The following TASP1 variants were observed in gnomAD, a reference collection of about 807,000 sequenced individuals.
The protein encoded by TASP1 is threonine aspartase 1.
TASP1 carries 16 observed loss-of-function variants against 56.6 expected under a neutral mutation model. The observed-to-expected ratio is 0.28, with a 90% confidence interval of 0.19 to 0.43. The LOEUF is 0.43. Ranked by LOEUF, TASP1 falls within the 20% of genes least tolerant of loss-of-function variation. The pLI, the probability that TASP1 is intolerant of heterozygous loss-of-function variation, is 1.00. For missense variants in TASP1, 393 were observed against 511.6 expected (o/e 0.77, Z 2.24); for synonymous variants, 179 against 184.2 (o/e 0.97, Z 0.23).
chr20:13,464,929 G>A (rs759070332), intron 11 of TASP1, among the ~76,000 whole-genome samples: 2 of 152,022 alleles, frequency 1.3e-5, no homozygotes, highest in African/African-American at 2.4e-5. Flanking sequence ...TGGGAAAGCC[G>A]AGACAGGAAG....
chr20:13,248,770 C>A, the TASP1 span, among the ~76,000 whole-genome samples: 1 of 152,194 alleles, frequency 6.6e-6, no homozygotes, highest in Non-Finnish European at 1.5e-5. Flanking sequence ...CAGATGTTTC[C>A]CTGTTCTGCA....
chr20:13,134,290 T>A, the TASP1 span, among the ~76,000 whole-genome samples: 4 of 152,244 alleles, frequency 2.6e-5, no homozygotes, highest in African/African-American at 9.6e-5. Flanking sequence ...TATCTCCGAA[T>A]ACTTAACATC....
chr20:13,123,932 G>T, the TASP1 span, among the ~76,000 whole-genome samples: 1 of 152,016 alleles, frequency 6.6e-6, no homozygotes, highest in African/African-American at 2.4e-5. Context: ...CCCTGCTGCT[G>T]CTCCTCAGGA....
chr20:13,398,019 CT>C (rs2041606164), intron 13 of TASP1, among the ~76,000 whole-genome samples: 1 of 152,108 alleles, frequency 6.6e-6, no homozygotes, highest in African/African-American at 2.4e-5. Flanking sequence ...TTATGGTCTT[CT>C]GGTTGGTAAG....
intron 7 of TASP1, among the ~76,000 whole-genome samples, chr20:13,562,674 C>T (rs972384232): frequency 5.3e-5 from 8 of 151,552 alleles, no homozygotes; most frequent in Non-Finnish European, 1.2e-4. Flanking sequence ...TACAGGAGTT[C>T]GAGACCAGCC....
At chr20:13,338,889 C>T in the TASP1 span, among the ~76,000 whole-genome samples, 1 of 152,092 alleles carries the variant, frequency 6.6e-6, no homozygotes. Flanking sequence ...TCCTCACCAT[C>T]ACCACCATCA....
intron 11 of TASP1, among the ~76,000 whole-genome samples, chr20:13,478,850 T>C (rs902349759): frequency 2.0e-5 from 3 of 151,924 alleles, no homozygotes; most frequent in Admixed American, 6.6e-5. Flanking sequence ...TAAAAGAATA[T>C]AGAGAAGTAA....
chr20:13,268,310 T>TTCTC, the TASP1 span, among the ~76,000 whole-genome samples: 1 of 150,556 alleles, frequency 6.6e-6, no homozygotes, highest in South Asian at 2.1e-4. Flanking sequence ...TCTCTTCTCT[T>TTCTC]TTCTCTTCTC....
In TASP1 at chr20:13,629,540, C is replaced by T. The variant is rs527283269; in HGVS notation, c.145+394G>A. ...AGGCTGGAGCGCAGTGGCATGATGT[C>T]GGCTCACTGCAACCTCCACCTCCTG... On this transcript the variant is annotated intron_variant, in intron 2 of 13. Coordinates refer to ENST00000337743, the MANE Select transcript of TASP1 (RefSeq NM_017714.3). 4.0e-5 allele frequency among the ~76,000 whole-genome samples: 6 copies of T among 151,632 alleles called. No homozygotes were observed. In the South Asian group the frequency reaches 8.4e-4, roughly 21 times the overall value.
At chr20:13,340,049 G>T in the TASP1 span, among the ~76,000 whole-genome samples, 17 of 152,146 alleles carry the variant, frequency 1.1e-4, no homozygotes, top group East Asian at 2.9e-3. Context: ...CTACTACAGA[G>T]TCTGAAAAAG....
the TASP1 span, among the ~76,000 whole-genome samples, chr20:13,289,716 A>G: frequency 4.6e-5 from 7 of 152,234 alleles, no homozygotes; most frequent in African/African-American, 1.2e-4. Context: ...AACCAAGACC[A>G]TATGTGACCC....
At chr20:13,406,570 A>G (rs1051545929) in intron 13 of TASP1, among the ~76,000 whole-genome samples, 8 of 152,084 alleles carry the variant, frequency 5.3e-5, no homozygotes, top group South Asian at 2.1e-4. Context: ...TCAGTGTTTC[A>G]CCAATTAGTA....
Position 13,425,403 on chromosome 20 carries a change from T to C in TASP1, c.1097-7882A>G, listed in dbSNP as rs568187571. ...GTTTTTTCTATCCAAATGGATTCTT[T>C]TTTCTGACCAGAAAGAAGTCATCAG... On this transcript the variant is annotated intron_variant, in intron 12 of 13. Coordinates refer to ENST00000337743, the MANE Select transcript of TASP1 (RefSeq NM_017714.3). Among the ~76,000 whole-genome samples the C allele has an allele frequency of 5.9e-5, 9 of 152,336 alleles. 1 individual carries two copies. In the South Asian group the frequency reaches 1.9e-3, roughly 32 times the overall value.
At chr20:13,174,629 G>A in the TASP1 span, among the ~76,000 whole-genome samples, 1 of 151,618 alleles carries the variant, frequency 6.6e-6, no homozygotes, top group South Asian at 2.1e-4. Flanking sequence ...AGCCTGGGAA[G>A]TCGAAGCTGC....
chr20:13,277,055 A>G, the TASP1 span, among the ~76,000 whole-genome samples: 1 of 152,118 alleles, frequency 6.6e-6, no homozygotes, highest in African/African-American at 2.4e-5. Flanking sequence ...AGTCATCGAT[A>G]TAGCTTTTGG....
chr20:13,396,602 C>CA (rs71334120), intron 13 of TASP1, among the ~76,000 whole-genome samples: 99,555 of 151,606 alleles, frequency 0.66, 32,884 homozygotes, highest in Non-Finnish European at 0.69. Flanking sequence ...GTTAATGAAT[C>CA]AAAAAAAAGT....
chr20:13,457,139 GA>G (rs2043873187), intron 11 of TASP1, among the ~76,000 whole-genome samples: 2 of 152,082 alleles, frequency 1.3e-5, no homozygotes, highest in African/African-American at 4.8e-5. Context: ...GGGACTGGGG[GA>G]GGGATAGCAT....
the TASP1 span, among the ~76,000 whole-genome samples, chr20:13,125,279 C>T: frequency 2.0e-5 from 3 of 152,178 alleles, no homozygotes; most frequent in African/African-American, 7.2e-5. Context: ...TGGCTCCTAC[C>T]ACTGAAAACC....
At chr20:13,135,435 T>C in the TASP1 span, among the ~76,000 whole-genome samples, 33 of 152,210 alleles carry the variant, frequency 2.2e-4, no homozygotes, top group Admixed American at 7.9e-4. Context: ...GGTGTTGAAA[T>C]GAAATTGGCA....
Sources: gnomAD v4.1 joint callset for allele counts (sites outside exome capture counted in the v4.1 genomes callset) on GRCh38, gnomAD v4.1.1 for gene constraint, MANE v1.5 for transcripts, NCBI Gene and HGNC (gene_info 2026-07-23, HGNC 2026-07-21) for gene names.